Variants in RBM25 observed in about 807,000 individuals in gnomAD.
RBM25 encodes the protein RNA binding motif protein 25.
In RBM25, 19 loss-of-function variants were observed where a neutral mutation model predicts 120.7. That is an observed-to-expected ratio of 0.16 (90% CI 0.11 to 0.23). The LOEUF is 0.23. Among genes scored for constraint, RBM25 ranks in the 10% least tolerant of loss-of-function variants. RBM25 has a pLI of 1.00. For synonymous variants in RBM25, 390 were observed against 326.7 expected (o/e 1.19, Z -2.09); for missense variants, 605 against 1,041.5 (o/e 0.58, Z 5.77).
intron 1 of RBM25, among the ~76,000 whole-genome samples, chr14:73,060,024 A>AT (rs902532965): frequency 8.3e-4 from 123 of 147,620 alleles, no homozygotes; most frequent in Non-Finnish European, 1.0e-3. Flanking sequence ...TGACTCTGTA[A>AT]TTTTTTTTTT....
At chr14:73,084,853 A>ATT (rs146980815) in intron 5 of RBM25, among the ~76,000 whole-genome samples, 6 of 142,542 alleles carry the variant, frequency 4.2e-5, no homozygotes, top group Admixed American at 2.1e-4. Flanking sequence ...CCTGGCCGCT[A>ATT]TTTTTTTTTT....
rs746708200 is a variant in RBM25 at position 73,114,397 on chromosome 14, CT to C, written c.2439+66del. Reference sequence around the variant, plus strand: ...AAAAAAAGTTTTTGGTTTTTTTTGTCTTAAAATATAGATGGGGTCTCACCAC... The same window carrying C: ...AAAAAAAGTTTTTGGTTTTTTTTGTCTAAAATATAGATGGGGTCTCACCAC... On this transcript the variant is annotated intron_variant, in intron 18 of 18. Coordinates refer to ENST00000261973, the MANE Select transcript of RBM25 (RefSeq NM_021239.3). 7.5e-4 allele frequency: 937 copies of C among 1,241,898 alleles called. 4 individuals carry two copies. Among genetic ancestry groups the C allele is most frequent in the Non-Finnish European group, 4.4e-4 (392 of 887,480 alleles). 76.9% of individuals were successfully genotyped at this position (1,241,898 alleles called of 1,614,324 possible).
At chr14:73,105,819 A>G in intron 10 of RBM25, 40 bp from the exon 11 acceptor site, 1 of 1,592,562 alleles carries the variant, frequency 6.3e-7, no homozygotes, top group South Asian at 1.1e-5. Flanking sequence ...GAAAACAGAA[A>G]GTAGACTGAC....
Position 73,120,505 on chromosome 14 carries a change from G to A in RBM25, c.*700G>A, listed in dbSNP as rs143373964. The A allele has an allele frequency of 6.5e-6, 1 of 152,680 alleles. No individual in the cohort carries two copies. The highest frequency in any genetic ancestry group is 2.4e-5 in the African/African-American group (1 of 41,544). 9.5% of individuals were successfully genotyped at this position (152,680 alleles called of 1,614,324 possible). A position where few individuals can be genotyped will look rare whatever the true frequency, so the allele number is the denominator to read the frequency against. On this transcript the variant is annotated 3_prime_UTR_variant, in exon 19 of 19. Coordinates refer to ENST00000261973, the MANE Select transcript of RBM25 (RefSeq NM_021239.3). ...TCCCAGAGCATGGTGTTCTCGTGTC[G>A]TGAGCAATGTGGTTTGCTAACTGGA...
intron 13 of RBM25, among the ~76,000 whole-genome samples, chr14:73,108,849 A>G (rs181668059): frequency 1.1e-4 from 16 of 152,368 alleles, no homozygotes; most frequent in Admixed American, 3.3e-4. Context: ...TATAACGTCA[A>G]CATTCTGAGA....
At chr14:73,113,425 C>T (rs960589165) in intron 17 of RBM25, among the ~76,000 whole-genome samples, 6 of 151,598 alleles carry the variant, frequency 4.0e-5, no homozygotes, top group African/African-American at 1.5e-4. Flanking sequence ...AGACAGTGGC[C>T]CACGCCTTGT....
chr14:73,117,319 C>T (rs2140468315), intron 18 of RBM25, among the ~76,000 whole-genome samples: 1 of 137,758 alleles, frequency 7.3e-6, no homozygotes, highest in Admixed American at 8.3e-5. Flanking sequence ...GTAACCTCCA[C>T]TTCTTGGGTT....
At chr14:73,064,961 T>G (rs541793103) in intron 1 of RBM25, 2 of 151,042 alleles carry the variant, frequency 1.3e-5, no homozygotes, top group East Asian at 3.9e-4. Flanking sequence ...TTACTTTTTT[T>G]TTTTTTTTAG....
intron 6 of RBM25, 58 bp downstream of exon 6, chr14:73,088,219 C>T: frequency 1.3e-6 from 2 of 1,586,378 alleles, no homozygotes; most frequent in South Asian, 1.1e-5. Context: ...CAGTGTAGTG[C>T]TTCTCATTAT....
chr14:73,119,352 G>A (rs1050051749), intron 18 of RBM25, among the ~76,000 whole-genome samples: 7 of 151,820 alleles, frequency 4.6e-5, no homozygotes, highest in African/African-American at 1.5e-4. Flanking sequence ...GGCAAGCTCC[G>A]CCTCCTGGGT....
In RBM25 at chr14:73,105,886, A is replaced by G. The variant is rs375001322; in HGVS notation, c.1182A>G (p.Glu394=). Residue 394 remains glutamate, a synonymous_variant, in exon 11 of 19, where the codon GAA becomes GAG. Coordinates refer to ENST00000261973, the MANE Select transcript of RBM25 (RefSeq NM_021239.3). ...AAAAAAGCAGAGATCGTGAAAGGGA[A>G]CGAGAGCGGGAAAGAGAGAGAGAGA... is the stretch of plus-strand genomic sequence containing the variant. The part of the protein sequence containing the change: ...SREKSRDRER[E]RERERERERE... 6.2e-7 allele frequency: 1 copy of G among 1,612,910 alleles called. No individual in the cohort carries two copies. Among genetic ancestry groups the G allele is most frequent in the African/African-American group, 1.3e-5 (1 of 74,816 alleles).
intron 1 of RBM25, among the ~76,000 whole-genome samples, chr14:73,062,764 A>G (rs1207184182): frequency 1.3e-5 from 2 of 151,256 alleles, no homozygotes; most frequent in African/African-American, 4.8e-5. Flanking sequence ...AGACAAATGC[A>G]TATACTTGTG....
intron 6 of RBM25, among the ~76,000 whole-genome samples, chr14:73,094,489 C>T (rs1337198956): frequency 1.3e-5 from 2 of 151,724 alleles, no homozygotes; most frequent in African/African-American, 4.8e-5. Flanking sequence ...GCTCTGTCGC[C>T]CAGGCTGGAG....
At chr14:73,068,090 G>A (rs1010920097) in intron 1 of RBM25, 18 of 628,486 alleles carry the variant, frequency 2.9e-5, no homozygotes, top group African/African-American at 1.1e-4. Flanking sequence ...CATGAGCTAC[G>A]ACCACCCCAA....
At chr14:73,109,176 G>T (rs1266094190) in intron 13 of RBM25, 166 bp from the exon 14 acceptor site, 3 of 633,134 alleles carry the variant, frequency 4.7e-6, no homozygotes, top group Non-Finnish European at 5.5e-6. Context: ...ACATTTACAT[G>T]TAGAGAGCAC....
At chr14:73,096,021 A>G (rs186532742) in intron 6 of RBM25, among the ~76,000 whole-genome samples, 334 of 152,300 alleles carry the variant, frequency 2.2e-3, no homozygotes, top group African/African-American at 7.7e-3. Context: ...TCTTTTGCCC[A>G]GGCTGGAGTG....
chr14:73,068,530 T>C (rs1315340956), intron 1 of RBM25: 7 of 778,344 alleles, frequency 9.0e-6, no homozygotes, highest in Non-Finnish European at 1.5e-5. Flanking sequence ...TTAGTGGTTT[T>C]AACATTAGAT....
chr14:73,114,774 G>GTCTA (rs1209362460), intron 18 of RBM25, among the ~76,000 whole-genome samples: 1 of 152,250 alleles, frequency 6.6e-6, no homozygotes, highest in African/African-American at 2.4e-5. Flanking sequence ...TGTGCCTATA[G>GTCTA]TCCCAGCTAC....
In RBM25 at chr14:73,084,713, C is replaced by T. The variant is rs182775526; in HGVS notation, c.382+1162C>T. ...GATTACAGGCACGTGCCACCATGCCCGGCTAATTTTTTATTTTTAGTAGAG... is the reference window on the plus strand; with the variant it reads ...GATTACAGGCACGTGCCACCATGCCTGGCTAATTTTTTATTTTTAGTAGAG... On this transcript the variant is annotated intron_variant, in intron 5 of 18. Coordinates refer to ENST00000261973, the MANE Select transcript of RBM25 (RefSeq NM_021239.3). Among the ~76,000 whole-genome samples the T allele has an allele frequency of 6.3e-3, 962 of 151,758 alleles. 7 individuals are homozygous for T. Among genetic ancestry groups the T allele is most frequent in the Non-Finnish European group, 9.7e-3 (661 of 67,906 alleles).
Sources: gnomAD v4.1 joint callset for allele counts (sites outside exome capture counted in the v4.1 genomes callset) on GRCh38, gnomAD v4.1.1 for gene constraint, MANE v1.5 for transcripts, NCBI Gene and HGNC (gene_info 2026-07-23, HGNC 2026-07-21) for gene names.